Variants in TMTC2 observed in about 807,000 individuals in gnomAD.
The protein encoded by TMTC2 is transmembrane O-mannosyltransferase targeting cadherins 2.
A neutral mutation model predicts 82.4 loss-of-function variants in TMTC2; 43 were observed. The observed-to-expected ratio is 0.52, with a 90% CI of 0.41 to 0.67. The LOEUF (loss-of-function observed/expected upper bound fraction) is 0.67. Ranked by LOEUF, TMTC2 falls within the 30% of genes least tolerant of loss-of-function variation. The pLI, the probability that TMTC2 is intolerant of heterozygous loss-of-function variation, is 0.00. For synonymous variants in TMTC2, 408 were observed against 381.9 expected (o/e 1.07, Z -0.80); for missense variants, 919 against 1,012.4 (o/e 0.91, Z 1.25).
chr12:82,797,903 T>C (rs572638442), intron 1 of TMTC2, among the ~76,000 whole-genome samples: 1 of 151,906 alleles, frequency 6.6e-6, no homozygotes, highest in African/African-American at 2.4e-5. Flanking sequence ...TTCTGCTTTT[T>C]TAGAGTAGTA....
intron 2 of TMTC2, among the ~76,000 whole-genome samples, chr12:82,893,594 A>T (rs1303653833): frequency 6.6e-6 from 1 of 152,116 alleles, no homozygotes; most frequent in African/African-American, 2.4e-5. Flanking sequence ...TCTAATTTCC[A>T]TCTGGTTGCT....
At chr12:82,760,933 T>C (rs750836383) in intron 1 of TMTC2, 3 of 281,464 alleles carry the variant, frequency 1.1e-5, no homozygotes, top group South Asian at 6.7e-5. Flanking sequence ...GATTATACAT[T>C]ATGGTGAATT....
Position 82,767,687 on chromosome 12 carries a change from G to A in TMTC2, c.83+80018G>A, listed in dbSNP as rs78452526. ...GGTTTCTCATCTTTCTACTCCATAC[G>A]TAGCTTTTCCTCCTTCTTCATCTGT... is the stretch of plus-strand genomic sequence containing the variant. On this transcript the variant is annotated intron_variant, in intron 1 of 11. Transcript: ENST00000321196. 4.0e-3 allele frequency among the ~76,000 whole-genome samples: 610 copies of A among 152,194 alleles called. 9 individuals are homozygous for A. Among genetic ancestry groups the A allele is most frequent in the African/African-American group, 0.014 (563 of 41,550 alleles).
At chr12:82,940,865 T>G (rs1876679722) in intron 4 of TMTC2, among the ~76,000 whole-genome samples, 1 of 152,064 alleles carries the variant, frequency 6.6e-6, no homozygotes, top group East Asian at 1.9e-4. Context: ...AATACTTGGC[T>G]CTTTTTAATC....
chr12:83,104,292 C>T (rs563294830), intron 11 of TMTC2, among the ~76,000 whole-genome samples: 2 of 152,296 alleles, frequency 1.3e-5, no homozygotes, highest in South Asian at 4.1e-4. Context: ...TAGGCAGTGC[C>T]CCGTGGGGGG....
At chr12:82,687,928 C>G (rs1329204926) in intron 1 of TMTC2, among the ~76,000 whole-genome samples, 1 of 152,172 alleles carries the variant, frequency 6.6e-6, no homozygotes, top group Non-Finnish European at 1.5e-5. Flanking sequence ...GCTTGAGTTT[C>G]TTAGCGGAAA....
chr12:82,693,940 C>T lies in TMTC2; in HGVS notation c.83+6271C>T, dbSNP rs79368423. Among the ~76,000 whole-genome samples, 165 of 145,584 alleles carry T rather than the reference C, an allele frequency of 1.1e-3. 2 individuals are homozygous for T. The East Asian group carries it at 0.028, about 25-fold the overall frequency. ...CCAAGATCGCGCCACCATACTCCAG[C>T]CTGGTCAACAAGAGTGAAACTCCAT... On this transcript the variant is annotated intron_variant, in intron 1 of 11. Transcript: ENST00000321196.
intron 8 of TMTC2, among the ~76,000 whole-genome samples, chr12:83,026,993 G>T (rs143698035): frequency 6.6e-6 from 1 of 151,942 alleles, no homozygotes; most frequent in Admixed American, 6.6e-5. Flanking sequence ...CTGCCAATCC[G>T]AGTGGACCTG....
In TMTC2 at chr12:83,134,203, T is replaced by C. The variant is rs1885360046; in HGVS notation, c.*1814T>C. ...AAATTATAACTAAATCACTGTGTTT[T>C]CAGAATGATATTTAACAACAAACCC... On this transcript the variant is annotated 3_prime_UTR_variant, in exon 12 of 12. Transcript: ENST00000321196. 1 of 152,546 alleles carries C rather than the reference T, an allele frequency of 6.6e-6. No homozygotes were observed. The highest frequency in any genetic ancestry group is 6.6e-5 in the Admixed American group (1 of 15,262). The allele number at this position is 152,546 out of a possible 1,614,324, so 9.4% of individuals were successfully genotyped here. A position where few individuals can be genotyped will look rare whatever the true frequency, so the allele number is the denominator to read the frequency against.
At chr12:82,897,561 T>C (rs1373213094) in intron 3 of TMTC2, among the ~76,000 whole-genome samples, 1 of 152,196 alleles carries the variant, frequency 6.6e-6, no homozygotes, top group Non-Finnish European at 1.5e-5. Flanking sequence ...GGTCTTGCTC[T>C]GTCGCCCAGG....
intron 11 of TMTC2, among the ~76,000 whole-genome samples, chr12:83,089,647 G>A (rs565441681): frequency 6.6e-6 from 1 of 152,216 alleles, no homozygotes; most frequent in Admixed American, 6.5e-5. Context: ...CATAAGCCAT[G>A]TACTAATTTT....
At chr12:83,091,543 T>C (rs1883849474) in intron 11 of TMTC2, among the ~76,000 whole-genome samples, 1 of 152,244 alleles carries the variant, frequency 6.6e-6, no homozygotes, top group Non-Finnish European at 1.5e-5. Context: ...ATTTGAATAA[T>C]GTCCATTTTT....
intron 11 of TMTC2, among the ~76,000 whole-genome samples, chr12:83,117,547 G>T (rs758044672): frequency 1.4e-4 from 22 of 152,084 alleles, no homozygotes; most frequent in Non-Finnish European, 3.2e-4. Context: ...ACACTATTTT[G>T]GTGACTATGG....
At chr12:82,875,623 A>C (rs958858146) in intron 2 of TMTC2, among the ~76,000 whole-genome samples, 2 of 152,216 alleles carry the variant, frequency 1.3e-5, no homozygotes, top group Non-Finnish European at 2.9e-5. Context: ...TACTGAATTC[A>C]TTCAAAATAA....
intron 1 of TMTC2, among the ~76,000 whole-genome samples, chr12:82,818,133 CA>C (rs1357814805): frequency 1.3e-5 from 2 of 152,076 alleles, no homozygotes; most frequent in Non-Finnish European, 2.9e-5. Context: ...GACATGGAGC[CA>C]TACCATTTGG....
chr12:82,876,068 G>GGTGGTGATTAGTATTCATA (rs1872515843), intron 2 of TMTC2, among the ~76,000 whole-genome samples: 1 of 100,064 alleles, frequency 1.0e-5, no homozygotes, highest in African/African-American at 4.7e-5. Context: ...TGGTGGTGGT[G>GGTGGTGATTAGTATTCATA]ATGATGATGA....
intron 11 of TMTC2, among the ~76,000 whole-genome samples, chr12:83,121,516 T>C (rs914303111): frequency 6.6e-6 from 1 of 152,070 alleles, no homozygotes; most frequent in African/African-American, 2.4e-5. Flanking sequence ...CATCCGTGGG[T>C]ATCTCAGCTG....
chr12:83,071,297 G>A (rs189627760), intron 11 of TMTC2, among the ~76,000 whole-genome samples: 7 of 151,770 alleles, frequency 4.6e-5, no homozygotes, highest in Admixed American at 1.3e-4. Context: ...TGGGACTACA[G>A]GCAACTGCTA....
intron 11 of TMTC2, among the ~76,000 whole-genome samples, chr12:83,098,502 T>C (rs1884106046): frequency 1.3e-5 from 2 of 152,268 alleles, no homozygotes; most frequent in Non-Finnish European, 2.9e-5. Context: ...CCTTCAAATC[T>C]ATTCTTCAGT....
Sources: allele counts gnomAD v4.1 joint callset (sites outside exome capture counted in the v4.1 genomes callset), GRCh38; gene constraint gnomAD v4.1.1; transcripts MANE v1.5; gene names NCBI Gene and HGNC (gene_info 2026-07-23, HGNC 2026-07-21).